The following KCNMA1 variants were observed in gnomAD, a reference collection of about 807,000 sequenced individuals.
The protein encoded by KCNMA1 is Calcium-activated potassium channel subunit alpha-1.
KCNMA1 carries 29 observed loss-of-function variants against 140.0 expected under a neutral mutation model. The ratio of observed to expected loss-of-function variants is 0.21; its 90% CI spans 0.15 to 0.28. The LOEUF is 0.28. Among genes scored for constraint, KCNMA1 ranks in the 10% least tolerant of loss-of-function variants. The pLI is 1.00. For synonymous variants in KCNMA1, 612 were observed against 611.9 expected, an observed-to-expected ratio of 1.00 and a Z score of 0.00; for missense variants, 880 against 1,602.2, an observed-to-expected ratio of 0.55 and a Z score of 7.70.
Position 77,409,675 on chromosome 10 carries a change from C to T in KCNMA1, c.379-5652G>A, listed in dbSNP as rs182914262. ...AGCCACGACAGCTGCTCTGGTCTAG[C>T]ACAGGAGAGCAAGCTTGTGCTAATC... On this transcript the variant is annotated intron_variant, in intron 1 of 27. Transcript: ENST00000286628. 1.4e-3 allele frequency among the ~76,000 whole-genome samples: 215 copies of T among 152,322 alleles called. 1 individual carries two copies. Among genetic ancestry groups the T allele is most frequent in the African/African-American group, 4.8e-3 (200 of 41,562 alleles).
In KCNMA1 at chr10:76,885,476, T is replaced by C. The variant is rs200047089; in HGVS notation, c.*1790A>G. The C allele has an allele frequency of 5.6e-5, 55 of 985,302 alleles. No homozygotes were observed. Among genetic ancestry groups the C allele is most frequent in the Middle Eastern group, 5.2e-4 (1 of 1,914 alleles). The allele number at this position is 985,302 out of a possible 1,614,324, so 61.0% of individuals were successfully genotyped here. ...CCTCACCATTTGTCAGTAAAAGTGC[T>C]TGTCAATTCACACAGCAAGCAAATA... On this transcript the variant is annotated 3_prime_UTR_variant, in exon 28 of 28. Coordinates refer to ENST00000286628, the MANE Select transcript of KCNMA1 (RefSeq NM_001161352.2).
intron 3 of KCNMA1, among the ~76,000 whole-genome samples, chr10:77,210,981 CAT>C (rs1211058128): frequency 7.2e-5 from 11 of 152,178 alleles, no homozygotes; most frequent in African/African-American, 2.6e-4. Flanking sequence ...TTAAAATGGC[CAT>C]ACTACCTAAA....
intron 3 of KCNMA1, among the ~76,000 whole-genome samples, chr10:77,200,090 A>G (rs1426673163): frequency 6.6e-6 from 1 of 152,078 alleles, no homozygotes; most frequent in Admixed American, 6.6e-5. Context: ...AGCTGGGACT[A>G]CAGGCGCCTG....
intron 1 of KCNMA1, among the ~76,000 whole-genome samples, chr10:77,416,544 T>C (rs1275804991): frequency 4.6e-5 from 7 of 152,218 alleles, no homozygotes; most frequent in African/African-American, 1.4e-4. Flanking sequence ...TATGGTTGAA[T>C]ATTCCCTTCA....
Position 76,898,651 on chromosome 10 carries a change from G to A in KCNMA1, c.3148-6932C>T, listed in dbSNP as rs183841772. 2.4e-4 allele frequency among the ~76,000 whole-genome samples: 36 copies of A among 151,872 alleles called. No individual in the cohort carries two copies. In the East Asian group the frequency reaches 6.6e-3, roughly 28 times the overall value. On this transcript the variant is annotated intron_variant, in intron 25 of 27. Transcript: ENST00000286628. Reference sequence around the variant, plus strand: ...TATTCCAGAACATCAAAAAAATTTTGTTAAGTATCCTATAACTACTAGGTC... The same window carrying A: ...TATTCCAGAACATCAAAAAAATTTTATTAAGTATCCTATAACTACTAGGTC...
intron 20 of KCNMA1, among the ~76,000 whole-genome samples, chr10:76,963,146 A>G (rs2072389287): frequency 1.3e-5 from 2 of 152,148 alleles, no homozygotes; most frequent in African/African-American, 4.8e-5. Flanking sequence ...TAATTAAGCA[A>G]CTATTTGGTT....
chr10:76,877,095 A>G (rs2032528878), downstream of KCNMA1: 1 of 152,760 alleles, frequency 6.5e-6, no homozygotes, highest in Non-Finnish European at 1.5e-5. Flanking sequence ...TGAGAACTAC[A>G]GAATGAAAAC....
At chr10:77,053,670 G>A (rs2095448105) in intron 14 of KCNMA1, among the ~76,000 whole-genome samples, 1 of 152,108 alleles carries the variant, frequency 6.6e-6, no homozygotes, top group Admixed American at 6.5e-5. Flanking sequence ...CACCTTAGAG[G>A]GTGGTTTTAT....
intron 5 of KCNMA1, among the ~76,000 whole-genome samples, chr10:77,146,999 C>G (rs1346563667): frequency 2.0e-5 from 3 of 152,162 alleles, no homozygotes; most frequent in Non-Finnish European, 4.4e-5. Flanking sequence ...GTGAAGCCAC[C>G]TGGGCATGGC....
chr10:76,887,350 G>A lies in KCNMA1; in HGVS notation c.3627C>T (p.Ile1209=), dbSNP rs201924445. Residue 1209 remains isoleucine (I), a synonymous_variant, in exon 28 of 28, where the codon ATC becomes ATT. Transcript: ENST00000286628. ...GGTTCTGTCGGTTTGCTGTGGATGG[G>A]ATGGAGTGAACAGAGGAGCTCTTCT... ...SSKKSSSVHS[I]PSTANRQNRP... 53 of 1,614,154 alleles carry A rather than the reference G, an allele frequency of 3.3e-5. No individual in the cohort carries two copies. In the East Asian group the frequency reaches 8.5e-4, roughly 26 times the overall value.
At chr10:77,481,139 A>ATG (rs1491206641) in intron 1 of KCNMA1, among the ~76,000 whole-genome samples, 2 of 151,550 alleles carry the variant, frequency 1.3e-5, no homozygotes, top group Non-Finnish European at 2.9e-5. Context: ...AAAGATACAC[A>ATG]TGTGTATGCA....
chr10:76,940,214 C>G (rs1403931616), intron 23 of KCNMA1, among the ~76,000 whole-genome samples: 1 of 152,210 alleles, frequency 6.6e-6, no homozygotes, highest in Admixed American at 6.5e-5. Context: ...TTTTTGACAA[C>G]AAGCCATCAC....
At chr10:77,293,467 T>C (rs1044383573) in intron 2 of KCNMA1, among the ~76,000 whole-genome samples, 3 of 152,332 alleles carry the variant, frequency 2.0e-5, no homozygotes, top group East Asian at 1.9e-4. Flanking sequence ...TAACCATTCA[T>C]GTGCATGACA....
intron 1 of KCNMA1, among the ~76,000 whole-genome samples, chr10:77,547,610 T>G (rs1426322444): frequency 6.6e-6 from 1 of 152,236 alleles, no homozygotes; most frequent in Non-Finnish European, 1.5e-5. Flanking sequence ...CAGTAAGGCA[T>G]CTGCATGAAA....
intron 3 of KCNMA1, among the ~76,000 whole-genome samples, chr10:77,235,083 A>T (rs2054941258): frequency 6.6e-6 from 1 of 152,216 alleles, no homozygotes; most frequent in East Asian, 1.9e-4. Context: ...GAAGAAGCAT[A>T]ATTAATACTA....
chr10:77,251,292 T>C, intron 2 of KCNMA1, 36 bp from the exon 3 acceptor site: 1 of 1,562,004 alleles, frequency 6.4e-7, no homozygotes, highest in Non-Finnish European at 8.8e-7. Flanking sequence ...CACTTAAGAG[T>C]TGGACCTCAG....
intron 1 of KCNMA1, among the ~76,000 whole-genome samples, chr10:77,486,120 G>A (rs1046933997): frequency 6.6e-6 from 1 of 152,134 alleles, no homozygotes; most frequent in Non-Finnish European, 1.5e-5. Context: ...GTCAATACCA[G>A]GTCAAAACAG....
chr10:77,249,122 C>T lies in KCNMA1; in HGVS notation c.602+2073G>A, dbSNP rs139681193. 2.6e-4 allele frequency among the ~76,000 whole-genome samples: 40 copies of T among 152,320 alleles called. 3 individuals are homozygous for T. In the South Asian group the frequency reaches 5.0e-3, roughly 19 times the overall value. On this transcript the variant is annotated intron_variant, in intron 3 of 27. Coordinates refer to ENST00000286628, the MANE Select transcript of KCNMA1 (RefSeq NM_001161352.2). ...AGGCAGAATGGGAATAGCCTTGTTT[C>T]TAACCTTATGGGCATTTTTGCCAGG...
intron 2 of KCNMA1, among the ~76,000 whole-genome samples, chr10:77,379,369 A>G (rs996107275): frequency 6.6e-6 from 1 of 152,180 alleles, no homozygotes; most frequent in Non-Finnish European, 1.5e-5. Context: ...CTTCTACCCA[A>G]TAAGCAATAA....
Sources: allele counts gnomAD v4.1 joint callset (sites outside exome capture counted in the v4.1 genomes callset), GRCh38; gene constraint gnomAD v4.1.1; transcripts MANE v1.5; gene names NCBI Gene and HGNC (gene_info 2026-07-23, HGNC 2026-07-21).